Variants in TRAK1 observed in about 807,000 individuals in gnomAD.
TRAK1 encodes trafficking kinesin protein 1, also known as trafficking kinesin-binding protein 1.
A neutral mutation model predicts 92.1 loss-of-function variants in TRAK1; 33 were observed. The observed-to-expected ratio is 0.36, with a 90% CI of 0.27 to 0.48. The LOEUF (loss-of-function observed/expected upper bound fraction) is 0.48. Among genes scored for constraint, TRAK1 ranks in the 20% least tolerant of loss-of-function variants. The probability of loss-of-function intolerance (pLI) is 0.99; values close to 1 mark genes in which losing one functional copy is unlikely to be tolerated. For missense variants in TRAK1, 1,123 were observed against 1,257.9 expected (o/e 0.89, Z 1.62); for synonymous variants, 521 against 517.3 (o/e 1.01, Z -0.10).
chr3:42,095,730 A>ATCG (rs1705815026), intron 1 of TRAK1, among the ~76,000 whole-genome samples: 3 of 152,148 alleles, frequency 2.0e-5, no homozygotes, highest in African/African-American at 4.8e-5. Context: ...CATCATCATC[A>ATCG]TCATCATCAT....
At chr3:42,186,945 C>T (rs1009061301) in intron 4 of TRAK1, among the ~76,000 whole-genome samples, 4 of 152,226 alleles carry the variant, frequency 2.6e-5, no homozygotes, top group African/African-American at 9.6e-5. Flanking sequence ...AAATTATAAA[C>T]AAGAAAGAGT....
intron 2 of TRAK1, among the ~76,000 whole-genome samples, chr3:42,162,762 C>T (rs1305831240): frequency 6.6e-6 from 1 of 152,166 alleles, no homozygotes; most frequent in African/African-American, 2.4e-5. Flanking sequence ...AAATATTTGA[C>T]AAACTCTGGT....
intron 1 of TRAK1, among the ~76,000 whole-genome samples, chr3:42,093,873 T>G (rs953075995): frequency 6.6e-6 from 1 of 151,396 alleles, no homozygotes; most frequent in African/African-American, 2.4e-5. Flanking sequence ...CAGCTATTTT[T>G]TTGTATTTTT....
At position 42,176,898 on chromosome 3, in the gene TRAK1, C is replaced by A. The variant is rs1703295661; in HGVS notation, c.363+8C>A. The A allele has an allele frequency of 1.9e-6, 3 of 1,613,420 alleles. No individual in the cohort carries two copies. The highest frequency in any genetic ancestry group is 2.5e-6 in the Non-Finnish European group (3 of 1,179,536). On this transcript the variant is annotated splice_region_variant and intron_variant, in intron 3 of 15. Coordinates refer to ENST00000327628, the MANE Select transcript of TRAK1 (RefSeq NM_001042646.3). ...ACTCGGCTTCTTGAGGAGGTAAGTGCTCCAGGGGAAGGCAAAAGAGTTGTT... is the reference window on the plus strand; with the variant it reads ...ACTCGGCTTCTTGAGGAGGTAAGTGATCCAGGGGAAGGCAAAAGAGTTGTT...
At chr3:42,177,000 G>A (rs1209835655) in intron 3 of TRAK1, 110 bp downstream of exon 3, 1 of 1,037,744 alleles carries the variant, frequency 9.6e-7, no homozygotes, top group African/African-American at 1.6e-5. Context: ...TTGGAAATTG[G>A]TCTCTTTCGA....
intron 14 of TRAK1, chr3:42,212,210 G>A (rs1050753359): frequency 3.0e-6 from 3 of 985,304 alleles, no homozygotes; most frequent in Admixed American, 6.1e-5. Context: ...AAGGCATGGG[G>A]CATCCTCTGT....
chr3:42,064,010 G>A (rs1211425886), intron 1 of TRAK1, among the ~76,000 whole-genome samples: 1 of 152,146 alleles, frequency 6.6e-6, no homozygotes, highest in Non-Finnish European at 1.5e-5. Context: ...TGGCCATGTG[G>A]AAATTATATC....
chr3:42,048,744 A>C (rs1303689312), intron 1 of TRAK1, among the ~76,000 whole-genome samples: 1 of 151,884 alleles, frequency 6.6e-6, no homozygotes, highest in Non-Finnish European at 1.5e-5. Context: ...TTGTATTTTT[A>C]GTAGAGACGG....
intron 1 of TRAK1, among the ~76,000 whole-genome samples, chr3:42,038,912 G>A (rs1702430954): frequency 1.3e-5 from 2 of 149,606 alleles, no homozygotes; most frequent in Non-Finnish European, 3.0e-5. Flanking sequence ...GAAGTGTTGG[G>A]ATTGATTTTT....
intron 1 of TRAK1, among the ~76,000 whole-genome samples, chr3:42,030,779 G>A (rs1020815056): frequency 6.9e-6 from 1 of 144,278 alleles, no homozygotes; most frequent in African/African-American, 2.7e-5. Context: ...GGACTGCTTG[G>A]GTTAAAGTTT....
intron 1 of TRAK1, among the ~76,000 whole-genome samples, chr3:42,052,750 T>A (rs1703032755): frequency 6.6e-6 from 1 of 152,136 alleles, no homozygotes; most frequent in African/African-American, 2.4e-5. Flanking sequence ...CTAGTTGGGA[T>A]CCCATTGTAT....
chr3:42,091,481 T>G lies in TRAK1; in HGVS notation c.12T>G (p.Val4=), dbSNP rs765641177. 1 of 1,613,488 alleles carries G rather than the reference T, an allele frequency of 6.2e-7. No individual in the cohort carries two copies. Among genetic ancestry groups the G allele is most frequent in the South Asian group, 1.1e-5 (1 of 90,922 alleles). Residue 4 remains valine (V), a synonymous_variant, in exon 1 of 16, where the codon GTT becomes GTG. Coordinates refer to ENST00000327628, the MANE Select transcript of TRAK1 (RefSeq NM_001042646.3). ...GTTTATGTCTGCACATGGCATTGGT[T>G]TTTCAATTCGGGCAGCCCGTCAGGG... MAL[V]FQFGQPVRAQ... is the part of the protein sequence containing the mutation.
At chr3:42,171,061 T>A (rs1702497615) in intron 2 of TRAK1, among the ~76,000 whole-genome samples, 1 of 152,026 alleles carries the variant, frequency 6.6e-6, no homozygotes, top group Non-Finnish European at 1.5e-5. Flanking sequence ...ATGATCCGCC[T>A]GCCTCGGCCT....
At chr3:42,144,291 T>G (rs942523917) in intron 2 of TRAK1, among the ~76,000 whole-genome samples, 6 of 151,686 alleles carry the variant, frequency 4.0e-5, no homozygotes, top group Non-Finnish European at 8.8e-5. Flanking sequence ...AAGATTAGAG[T>G]GATGAAGATG....
At chr3:42,069,742 A>T (rs1375288106) in intron 1 of TRAK1, among the ~76,000 whole-genome samples, 4 of 152,180 alleles carry the variant, frequency 2.6e-5, no homozygotes, top group African/African-American at 4.8e-5. Flanking sequence ...AATCAAAATC[A>T]GTATTATTAG....
chr3:42,065,552 A>G (rs1461703228), intron 1 of TRAK1, among the ~76,000 whole-genome samples: 5 of 151,986 alleles, frequency 3.3e-5, no homozygotes, highest in Non-Finnish European at 7.4e-5. Context: ...ATTCAGTTTG[A>G]TATTAATCAG....
At chr3:42,064,191 G>A (rs1305600410) in intron 1 of TRAK1, among the ~76,000 whole-genome samples, 4 of 152,130 alleles carry the variant, frequency 2.6e-5, no homozygotes, top group South Asian at 2.1e-4. Flanking sequence ...CCAGGCGGGC[G>A]CTGTGGCTCA....
chr3:42,078,559 C>T lies in TRAK1; in HGVS notation c.-518-8545C>T, dbSNP rs781696980. On this transcript the variant is annotated intron_variant, in intron 1 of 16. Coordinates refer to the TRAK1 transcript ENST00000487159. Reference sequence around the variant, plus strand: ...ATGAGGTCAGGAGATCGAGACCATCCTGGCTAACACAGTGAAACCCCATCT... The same window carrying T: ...ATGAGGTCAGGAGATCGAGACCATCTTGGCTAACACAGTGAAACCCCATCT... Among the ~76,000 whole-genome samples, 157 of 152,010 alleles carry T rather than the reference C, an allele frequency of 1.0e-3. 2 individuals are homozygous for T. Among genetic ancestry groups the T allele is most frequent in the Non-Finnish European group, 3.7e-4 (25 of 67,980 alleles).
intron 13 of TRAK1, among the ~76,000 whole-genome samples, chr3:42,205,400 C>T (rs553528159): frequency 2.6e-5 from 4 of 152,298 alleles, no homozygotes; most frequent in African/African-American, 9.6e-5. Context: ...CAGTGTTTTC[C>T]ATCTGGCTCC....
Sources: allele counts gnomAD v4.1 joint callset (sites outside exome capture counted in the v4.1 genomes callset), GRCh38; gene constraint gnomAD v4.1.1; transcripts MANE v1.5; gene names NCBI Gene and HGNC (gene_info 2026-07-23, HGNC 2026-07-21).